MIGA2: variants seen among roughly 807,000 people sequenced by gnomAD.
The protein encoded by MIGA2 is family with sequence similarity 73, member B.
A neutral mutation model predicts 69.9 loss-of-function variants in MIGA2; 36 were observed. The observed-to-expected ratio is 0.52, with a 90% confidence interval of 0.39 to 0.68. The LOEUF (loss-of-function observed/expected upper bound fraction) is 0.68. Ranked by LOEUF, MIGA2 falls within the 30% of genes least tolerant of loss-of-function variation. The pLI is 0.00. For synonymous variants in MIGA2, 333 were observed against 349.2 expected (o/e 0.95, Z 0.52); for missense variants, 660 against 787.7 (o/e 0.84, Z 1.94).
chr9:129,065,982 T>C (rs578177469), intron 11 of MIGA2, among the ~76,000 whole-genome samples: 1 of 152,358 alleles, frequency 6.6e-6, no homozygotes, highest in African/African-American at 2.4e-5. Context: ...GGCACAGATG[T>C]GTGCCCCATC....
chr9:129,053,287 A>G (rs79459766), intron 6 of MIGA2, among the ~76,000 whole-genome samples: 2 of 152,222 alleles, frequency 1.3e-5, no homozygotes, highest in East Asian at 3.9e-4. Flanking sequence ...TTACAATCCT[A>G]CAAGGGGTGC....
At chr9:129,058,381 TGACAGAACGA>T (rs1845897643) in intron 6 of MIGA2, among the ~76,000 whole-genome samples, 3 of 144,128 alleles carry the variant, frequency 2.1e-5, no homozygotes, top group Non-Finnish European at 4.5e-5. Flanking sequence ...GCGGGCTGGG[TGACAGAACGA>T]GACCTTGTCT....
chr9:129,068,089 C>T lies in MIGA2; in HGVS notation c.1270-109C>T, dbSNP rs137892200. 9.7e-4 allele frequency: 1,434 copies of T among 1,474,552 alleles called. 10 individuals carry two copies. The African/African-American group carries it at 0.013, about 13-fold the overall frequency. 91.3% of individuals were successfully genotyped at this position (1,474,552 alleles called of 1,614,324 possible). ...CAGAGCGGGAAAGACGTGTCCCCCCCACGTGTGCTCATGCCCTGGACCCCA... is the reference window on the plus strand; with the variant it reads ...CAGAGCGGGAAAGACGTGTCCCCCCTACGTGTGCTCATGCCCTGGACCCCA... On this transcript the variant is annotated intron_variant, in intron 12 of 15. Transcript: ENST00000684074. The surrounding 1 kb of genome is among the most constrained non-coding windows in gnomAD (Gnocchi z 4.1).
intron 2 of MIGA2, chr9:129,042,031 C>T (rs1844933408): frequency 4.2e-6 from 2 of 480,064 alleles, no homozygotes; most frequent in East Asian, 7.4e-5. Flanking sequence ...TGCTTGTTCA[C>T]TGCGGCTTGT....
Position 129,069,644 on chromosome 9 carries a change from G to A in MIGA2, c.1459-205G>A, listed in dbSNP as rs1359685088. 3.3e-6 allele frequency: 2 copies of A among 601,046 alleles called. No homozygotes were observed. The highest frequency in any genetic ancestry group is 1.9e-5 in the South Asian group (1 of 53,008). The allele number at this position is 601,046 out of a possible 1,614,324, so 37.2% of individuals were successfully genotyped here. A position where few individuals can be genotyped will look rare whatever the true frequency, so the allele number is the denominator to read the frequency against. On this transcript the variant is annotated intron_variant, in intron 14 of 15. Coordinates refer to ENST00000684074, the MANE Select transcript of MIGA2 (RefSeq NM_001329990.2). This position sits in a 1 kb window ranked among gnomAD's most constrained non-coding sequence, Gnocchi z 4.9. ...CGGAGCCACTATGGCCCCACCTCTTGCAGTACTCACAGCGGCCCATGGTTA... is the reference window on the plus strand; with the variant it reads ...CGGAGCCACTATGGCCCCACCTCTTACAGTACTCACAGCGGCCCATGGTTA...
chr9:129,039,179 G>C (rs1294873264), intron 1 of MIGA2, among the ~76,000 whole-genome samples: 2 of 95,724 alleles, frequency 2.1e-5, no homozygotes, highest in East Asian at 7.8e-4. Context: ...CTTTGTTTGT[G>C]TGTGTGTGTG....
chr9:129,043,151 G>A (rs991168443), intron 3 of MIGA2, among the ~76,000 whole-genome samples: 3 of 151,048 alleles, frequency 2.0e-5, no homozygotes, highest in African/African-American at 4.9e-5. Flanking sequence ...CCGAGATTGC[G>A]CCACTGCACT....
At chr9:129,045,150 C>CAAAAAA (rs543356730) in intron 3 of MIGA2, among the ~76,000 whole-genome samples, 6 of 86,128 alleles carry the variant, frequency 7.0e-5, no homozygotes, top group Non-Finnish European at 1.2e-4. Flanking sequence ...GACTCTATCT[C>CAAAAAA]AAAAAAAAAA....
intron 1 of MIGA2, among the ~76,000 whole-genome samples, chr9:129,038,483 A>C (rs1844715607): frequency 6.6e-6 from 1 of 152,096 alleles, no homozygotes; most frequent in Admixed American, 6.6e-5. Context: ...TGATCAAGCC[A>C]CTTATTTCCT....
intron 3 of MIGA2, among the ~76,000 whole-genome samples, chr9:129,045,720 C>A (rs1397244476): frequency 6.6e-6 from 1 of 151,726 alleles, no homozygotes; most frequent in African/African-American, 2.4e-5. Flanking sequence ...CCAGCCTGGG[C>A]AACATAGAGA....
At chr9:129,041,105 C>G (rs1403785987) in intron 2 of MIGA2, among the ~76,000 whole-genome samples, 4 of 152,186 alleles carry the variant, frequency 2.6e-5, no homozygotes, top group Non-Finnish European at 5.9e-5. Context: ...GAAGCTGAAG[C>G]AGGTGGATCA....
Position 129,047,798 on chromosome 9 carries a change from T to C in MIGA2, c.308-629T>C, listed in dbSNP as rs531929791. On this transcript the variant is annotated intron_variant, in intron 3 of 15. Transcript: ENST00000684074. ...AGTCTGGAATGAAGTATTGCGATCA[T>C]GGCTTACTGCAGCCTTGACCTCCCA... Among the ~76,000 whole-genome samples, 6 of 152,204 alleles carry C rather than the reference T, an allele frequency of 3.9e-5. No individual in the cohort carries two copies. The East Asian group carries it at 1.2e-3, about 29-fold the overall frequency.
At chr9:129,065,380 A>G (rs1284754637) in intron 11 of MIGA2, among the ~76,000 whole-genome samples, 1 of 151,280 alleles carries the variant, frequency 6.6e-6, no homozygotes, top group African/African-American at 2.4e-5. Flanking sequence ...GAGACTTGCC[A>G]TGTTGTCCGG....
At position 129,069,472 on chromosome 9, in the gene MIGA2, C is replaced by G; in HGVS notation, c.1458+343C>G. ...AGCCCTGTCCCTCCTGCCCTTTCCC[C>G]GCCCCAGTCAGGCCCCTGTAATCTC... On this transcript the variant is annotated intron_variant, in intron 14 of 15. Transcript: ENST00000684074. The surrounding 1 kb of genome is among the most constrained non-coding windows in gnomAD (Gnocchi z 4.9). The G allele has an allele frequency of 2.0e-6, 1 of 510,196 alleles. No homozygotes were observed. Among genetic ancestry groups the G allele is most frequent in the East Asian group, 3.5e-5 (1 of 28,468 alleles). 31.6% of individuals were successfully genotyped at this position (510,196 alleles called of 1,614,324 possible).
In MIGA2 at chr9:129,071,536, G is replaced by A. The variant is rs1012320144; in HGVS notation, c.*1083G>A. 6.6e-6 allele frequency: 1 copy of A among 152,210 alleles called. No homozygotes were observed. The highest frequency in any genetic ancestry group is 2.4e-5 in the African/African-American group (1 of 41,430). The allele number at this position is 152,210 out of a possible 1,614,324, so 9.4% of individuals were successfully genotyped here. On this transcript the variant is annotated 3_prime_UTR_variant, in exon 16 of 16. Transcript: ENST00000684074. ...TCTGCTGTGGCTCTGCCCTTTCCAG[G>A]TTGAGAGGCCTGCAGGAGAAACACA...
At chr9:129,043,560 T>A (rs943223250) in intron 3 of MIGA2, among the ~76,000 whole-genome samples, 1 of 151,650 alleles carries the variant, frequency 6.6e-6, no homozygotes, top group African/African-American at 2.4e-5. Flanking sequence ...CTAATTTTTG[T>A]ATTTTTAGTA....
At chr9:129,063,655 G>GGGGGGGGGGGGCCCCC in intron 11 of MIGA2, 24 bp downstream of exon 11, 1 of 645,744 alleles carries the variant, frequency 1.5e-6, no homozygotes, top group Non-Finnish European at 2.9e-6. Context: ...GGGTGGGGGG[G>GGGGGGGGGGGGCCCCC]CAAATTATAA....
chr9:129,067,058 C>T (rs964024175), intron 11 of MIGA2, among the ~76,000 whole-genome samples: 4 of 149,850 alleles, frequency 2.7e-5, no homozygotes, highest in African/African-American at 9.9e-5. Flanking sequence ...ATGGCGTGAA[C>T]CCGGGAGGCA....
At chr9:129,052,700 A>G (rs1845609725) in intron 6 of MIGA2, among the ~76,000 whole-genome samples, 1 of 152,140 alleles carries the variant, frequency 6.6e-6, no homozygotes, top group Non-Finnish European at 1.5e-5. Context: ...GCCAGCTGGC[A>G]GGGGGACCTG....
Sources: gnomAD v4.1 joint callset for allele counts (sites outside exome capture counted in the v4.1 genomes callset) on GRCh38, gnomAD v4.1.1 for gene constraint, Gnocchi (gnomAD v3.1) non-coding constraint, MANE v1.5 for transcripts, NCBI Gene and HGNC (gene_info 2026-07-23, HGNC 2026-07-21) for gene names.